Variants in SCAF4 observed in about 807,000 individuals in gnomAD.
The protein encoded by SCAF4 is SR-related CTD associated factor 4.
Under a neutral mutation model 129.8 loss-of-function variants are expected in SCAF4, and 25 were observed. That is an observed-to-expected ratio of 0.19 (90% CI 0.14 to 0.27). The LOEUF (loss-of-function observed/expected upper bound fraction) is 0.27, where lower values mean the gene tolerates loss of function less well. Among genes scored for constraint, SCAF4 ranks in the 10% least tolerant of loss-of-function variants. SCAF4 has a pLI of 1.00. For missense variants in SCAF4, 1,246 were observed against 1,457.1 expected, an observed-to-expected ratio of 0.86 and a Z score of 2.36; for synonymous variants, 551 against 497.7, an observed-to-expected ratio of 1.11 and a Z score of -1.43.
At position 31,671,234 on chromosome 21, in the gene SCAF4, T is replaced by C. The variant is rs1223900540; in HGVS notation, c.*165A>G. 2.3e-5 allele frequency: 13 copies of C among 567,640 alleles called. No individual in the cohort carries two copies. The highest frequency in any genetic ancestry group is 3.1e-5 in the Non-Finnish European group (11 of 352,284). The allele number at this position is 567,640 out of a possible 1,614,324, so 35.2% of individuals were successfully genotyped here. On this transcript the variant is annotated 3_prime_UTR_variant, in exon 20 of 20. Coordinates refer to ENST00000286835, the MANE Select transcript of SCAF4 (RefSeq NM_020706.2). ...CATATTTTCAGTATTTTTTGTTATT[T>C]TGTGGCTATTTTTAAATAGAAGGGA...
At position 31,701,122 on chromosome 21, in the gene SCAF4, G is replaced by A; in HGVS notation, c.650C>T (p.Pro217Leu). ...AGCCATCACAGCATTGTCAAGGGCA[G>A]GAGACTGTGGTTTTGGAGGCTGTTG... ...TFQQPPKPQS[P>L]ALDNAVMAQV... is the part of the protein sequence containing the mutation. Residue 217 changes from proline to leucine, a missense_variant, in exon 7 of 20, where the codon CCT becomes CTT. Pro to Leu is a moderately conservative substitution (Grantham distance 98). This residue lies in a region of SCAF4 where 143 missense variants were observed against 161.0 expected (regional missense o/e 0.89). Coordinates refer to ENST00000286835, the MANE Select transcript of SCAF4 (RefSeq NM_020706.2). 1 of 1,609,170 alleles carries A rather than the reference G, an allele frequency of 6.2e-7. No individual in the cohort carries two copies. The highest frequency in any genetic ancestry group is 8.5e-7 in the Non-Finnish European group (1 of 1,177,412).
At chr21:31,720,538 A>G (rs775341621) in intron 1 of SCAF4, among the ~76,000 whole-genome samples, 15 of 152,294 alleles carry the variant, frequency 9.8e-5, no homozygotes, top group Non-Finnish European at 1.8e-4. Flanking sequence ...CTGCTCAAAA[A>G]CTTCACAGCA....
intron 1 of SCAF4, among the ~76,000 whole-genome samples, chr21:31,714,600 T>C (rs2050881049): frequency 2.6e-5 from 4 of 152,178 alleles, no homozygotes; most frequent in Admixed American, 2.6e-4. Context: ...CAAGTGAAGA[T>C]AAAGAAGAAC....
chr21:31,697,221 GAA>G (rs886310670), intron 7 of SCAF4, among the ~76,000 whole-genome samples: 5 of 151,266 alleles, frequency 3.3e-5, no homozygotes, highest in Middle Eastern at 3.2e-3. Flanking sequence ...TATAAAAAAA[GAA>G]AAAAAATGGC....
rs149907934 is a variant in SCAF4, at chr21:31,693,443, C to A, written c.1364G>T (p.Arg455Leu). Residue 455 changes from arginine (R) to leucine (L), a missense_variant, in exon 12 of 20, where the codon CGA (arginine) becomes CTA (leucine). Arg to Leu is a moderately radical substitution (Grantham distance 102). Around this residue, in one of 6 missense-constraint regions of SCAF4, gnomAD observed 468 missense variants for 605.5 expected, o/e 0.77. Coordinates refer to ENST00000286835, the MANE Select transcript of SCAF4 (RefSeq NM_020706.2). ...TCGAGAACGTCGATGCCGAGACCTT[C>A]GAGATCTAGAACCAGATCTAGATCG... is the stretch of plus-strand genomic sequence containing the variant. ...RRRSRSGSRS[R>L]RSRHRRSRSR... The A allele has an allele frequency of 1.6e-5, 25 of 1,548,800 alleles. No individual in the cohort carries two copies. In the South Asian group the frequency reaches 2.9e-4, roughly 18 times the overall value.
chr21:31,719,599 G>A (rs1014961231), intron 1 of SCAF4, among the ~76,000 whole-genome samples: 1 of 151,966 alleles, frequency 6.6e-6, no homozygotes, highest in South Asian at 2.1e-4. Flanking sequence ...CCGCCTCCTG[G>A]GTCTAAGCGA....
intron 1 of SCAF4, among the ~76,000 whole-genome samples, chr21:31,725,922 A>G (rs893980508): frequency 1.3e-5 from 2 of 152,166 alleles, no homozygotes; most frequent in East Asian, 1.9e-4. Flanking sequence ...ACATATTGTA[A>G]TAAGTTTATT....
intron 8 of SCAF4, 57 bp from the exon 9 acceptor site, chr21:31,696,278 C>T: frequency 7.5e-7 from 1 of 1,325,672 alleles, no homozygotes; most frequent in South Asian, 1.2e-5. Flanking sequence ...CTCAGCCACA[C>T]TTAAATTACA....
chr21:31,686,450 C>CT (rs1859801873), intron 16 of SCAF4, among the ~76,000 whole-genome samples: 1 of 152,170 alleles, frequency 6.6e-6, no homozygotes, highest in African/African-American at 2.4e-5. Context: ...CTCCCACCCG[C>CT]TTTAGTTAGC....
In SCAF4 at chr21:31,693,495, C is replaced by G. The variant is rs767944924; in HGVS notation, c.1323-11G>C. ...CTCCTTTTTGGTGACCTAATGTTTT[C>G]AAGAGAAGGGAGAATGCATAGCATA... On this transcript the variant is annotated splice_polypyrimidine_tract_variant and intron_variant, in intron 11 of 19. Coordinates refer to ENST00000286835, the MANE Select transcript of SCAF4 (RefSeq NM_020706.2). The G allele has an allele frequency of 3.4e-6, 5 of 1,461,748 alleles. No individual in the cohort carries two copies. The highest frequency in any genetic ancestry group is 4.9e-4 in the Middle Eastern group (2 of 4,056). The allele number at this position is 1,461,748 out of a possible 1,614,324, so 90.5% of individuals were successfully genotyped here.
chr21:31,704,237 T>C lies in SCAF4; in HGVS notation c.160-311A>G, dbSNP rs565512299. ...TAAGCCAGTTCCATATAAATTCACT[T>C]ATTATGATAGTCTCTACAATTCACC... On this transcript the variant is annotated intron_variant, in intron 3 of 19. Transcript: ENST00000286835. Among the ~76,000 whole-genome samples, 21 of 152,256 alleles carry C rather than the reference T, an allele frequency of 1.4e-4. No individual in the cohort carries two copies. In the South Asian group the frequency reaches 3.9e-3, roughly 29 times the overall value.
intron 1 of SCAF4, among the ~76,000 whole-genome samples, chr21:31,719,314 C>CA (rs899560211): frequency 1.7e-4 from 25 of 151,224 alleles, no homozygotes; most frequent in Middle Eastern, 3.4e-3. Context: ...AAACAAAAAA[C>CA]AAAAAAAACA....
At chr21:31,693,594 A>G in intron 11 of SCAF4, 110 bp from the exon 12 acceptor site, 1 of 595,856 alleles carries the variant, frequency 1.7e-6, no homozygotes. Flanking sequence ...ATGTTTGGGT[A>G]TGTAAGAATG....
intron 10 of SCAF4, 77 bp downstream of exon 10, chr21:31,694,736 G>A: frequency 7.2e-7 from 1 of 1,391,210 alleles, no homozygotes; most frequent in South Asian, 1.2e-5. Flanking sequence ...AATGAAGACA[G>A]CAAGCAAATA....
chr21:31,693,531 C>A (rs2050311024), intron 11 of SCAF4, 47 bp from the exon 12 acceptor site: 6 of 1,265,820 alleles, frequency 4.7e-6, no homozygotes, highest in East Asian at 2.7e-5. Context: ...TAGACAAAAA[C>A]CAGAAAATAT....
rs776114607 is a variant in SCAF4, at chr21:31,693,468, GCCT to G, written c.1336_1338del (p.Arg447del). The stretch of plus-strand genomic sequence containing the variant: ...CGAGATCTAGAACCAGATCTAGATC[GCCT>G]CCTTTTTGGTGACCTAATGTTTTCA... On this transcript the variant is annotated inframe_deletion, in exon 12 of 20. Transcript: ENST00000286835. The G allele has an allele frequency of 2.0e-6, 3 of 1,495,998 alleles. No homozygotes were observed. Among genetic ancestry groups the G allele is most frequent in the East Asian group, 2.4e-5 (1 of 41,316 alleles). The allele number at this position is 1,495,998 out of a possible 1,614,324, so 92.7% of individuals were successfully genotyped here.
At chr21:31,701,673 G>GT in intron 6 of SCAF4, 103 bp downstream of exon 6, 1 of 1,226,922 alleles carries the variant, frequency 8.2e-7, no homozygotes, top group Non-Finnish European at 1.1e-6. Flanking sequence ...AAAAGCAGAC[G>GT]TATTTTCTCC....
In SCAF4 at chr21:31,694,820, T is replaced by A; in HGVS notation, c.1229A>T (p.His410Leu). 3 of 1,614,098 alleles carry A rather than the reference T, an allele frequency of 1.9e-6. No individual in the cohort carries two copies. Among genetic ancestry groups the A allele is most frequent in the Non-Finnish European group, 2.5e-6 (3 of 1,179,982 alleles). The change falls in exon 10 of 20, where the codon CAT (histidine) becomes CTT (leucine). Residue 410 changes from histidine to leucine, a missense_variant. This residue lies in a region of SCAF4 where 236 missense variants were observed against 210.0 expected (regional missense o/e 1.12). Transcript: ENST00000286835. ...AQNEPLTQKP[H>L]QQEMEVEQPC... is the part of the protein sequence containing the mutation. ...CTGAGAATAAAGTTTTACCTGCTGATGCGGCTTCTGTGTAAGTGGTTCATT... is the reference window on the plus strand; with the variant it reads ...CTGAGAATAAAGTTTTACCTGCTGAAGCGGCTTCTGTGTAAGTGGTTCATT...
Position 31,671,922 on chromosome 21 carries a change from G to A in SCAF4, c.2921C>T (p.Pro974Leu), listed in dbSNP as rs967458931. Residue 974 changes from proline (P) to leucine (L), a missense_variant, in exon 20 of 20, where the codon CCA becomes CTA. Around this residue, in one of 6 missense-constraint regions of SCAF4, gnomAD observed 339 missense variants for 325.0 expected, o/e 1.04. Coordinates refer to ENST00000286835, the MANE Select transcript of SCAF4 (RefSeq NM_020706.2). The stretch of plus-strand genomic sequence containing the variant: ...CTGCTGTGGCTGCTGCTGTGTTGGT[G>A]GAGGCTGTTGTGATGGTGGTGGCTG... ...QQQPPPSQQP[P>L]PTQQQPQQFR... The A allele has an allele frequency of 8.1e-6, 13 of 1,612,298 alleles. No homozygotes were observed. Among genetic ancestry groups the A allele is most frequent in the Non-Finnish European group, 1.1e-5 (13 of 1,178,674 alleles).
Sources: gnomAD v4.1 joint callset for allele counts (sites outside exome capture counted in the v4.1 genomes callset) on GRCh38, gnomAD v4.1.1 for gene constraint, gnomAD v4.1.1 regional missense constraint, MANE v1.5 for transcripts, NCBI Gene and HGNC (gene_info 2026-07-23, HGNC 2026-07-21) for gene names.